Variants in CCSER1 observed in about 807,000 individuals in gnomAD.
CCSER1 encodes the protein serine-rich coiled-coil domain-containing protein 1.
Under a neutral mutation model 82.0 loss-of-function variants are expected in CCSER1, and 41 were observed. The ratio of observed to expected loss-of-function variants is 0.50; its 90% confidence interval spans 0.39 to 0.65. The LOEUF (loss-of-function observed/expected upper bound fraction) is 0.65, where lower values mean the gene tolerates loss of function less well. Ranked by LOEUF, CCSER1 falls within the 30% of genes least tolerant of loss-of-function variation. The probability of loss-of-function intolerance (pLI) is 0.00; values close to 1 mark genes in which losing one functional copy is unlikely to be tolerated. For missense variants in CCSER1, 1,119 were observed against 1,064.2 expected (o/e 1.05, Z -0.72); for synonymous variants, 414 against 383.9 (o/e 1.08, Z -0.92).
At position 91,366,319 on chromosome 4, in the gene CCSER1, A is replaced by C. The variant is rs113706125; in HGVS notation, c.2218-232253A>C. Among the ~76,000 whole-genome samples the C allele has an allele frequency of 7.0e-3, 1,070 of 152,106 alleles. 18 individuals carry two copies. Among genetic ancestry groups the C allele is most frequent in the African/African-American group, 0.024 (1,005 of 41,516 alleles). ...TACAGGCGTGAGCCACTGTGCCTGG[A>C]CCTCTCACCTATTCTTCCTGCTAGG... On this transcript the variant is annotated intron_variant, in intron 10 of 10. Coordinates refer to ENST00000509176, the MANE Select transcript of CCSER1 (RefSeq NM_001145065.2).
intron 10 of CCSER1, among the ~76,000 whole-genome samples, chr4:91,578,418 G>T (rs1763559271): frequency 6.6e-6 from 1 of 151,818 alleles, no homozygotes; most frequent in Non-Finnish European, 1.5e-5. Context: ...GTATCAGATT[G>T]CTGGGAAATG....
chr4:90,660,842 A>T (rs1730633103), intron 6 of CCSER1, among the ~76,000 whole-genome samples: 1 of 152,166 alleles, frequency 6.6e-6, no homozygotes, highest in Non-Finnish European at 1.5e-5. Flanking sequence ...TATTTGATGG[A>T]TTTCGCAATC....
intron 4 of CCSER1, among the ~76,000 whole-genome samples, chr4:90,450,617 T>G (rs1578526160): frequency 6.6e-6 from 1 of 152,324 alleles, no homozygotes; most frequent in East Asian, 1.9e-4. Context: ...CAGAGGAAAT[T>G]CCGTCAGTTC....
intron 10 of CCSER1, among the ~76,000 whole-genome samples, chr4:91,403,510 A>G (rs76235650): frequency 6.6e-6 from 1 of 152,190 alleles, no homozygotes; most frequent in Non-Finnish European, 1.5e-5. Context: ...TTGCCCACTC[A>G]GTATGATATT....
At chr4:90,999,169 T>C (rs1208807192) in intron 9 of CCSER1, among the ~76,000 whole-genome samples, 2 of 152,244 alleles carry the variant, frequency 1.3e-5, no homozygotes, top group East Asian at 3.8e-4. Flanking sequence ...TCTTTGCTAT[T>C]GTGAATAGTA....
At chr4:90,810,503 G>A (rs1758113905) in intron 7 of CCSER1, among the ~76,000 whole-genome samples, 1 of 151,938 alleles carries the variant, frequency 6.6e-6, no homozygotes, top group South Asian at 2.1e-4. Context: ...CAAAAAATTA[G>A]CCAGGTGTGG....
intron 10 of CCSER1, among the ~76,000 whole-genome samples, chr4:91,544,751 G>C (rs928086435): frequency 1.4e-4 from 21 of 151,226 alleles, no homozygotes; most frequent in African/African-American, 5.1e-4. Context: ...TAGGCTACTC[G>C]GGGGTCAGGG....
At chr4:90,768,774 C>T (rs979013486) in intron 7 of CCSER1, among the ~76,000 whole-genome samples, 2 of 152,124 alleles carry the variant, frequency 1.3e-5, no homozygotes, top group African/African-American at 2.4e-5. Context: ...AAAGACTGGA[C>T]GATTTGCCTA....
intron 1 of CCSER1, among the ~76,000 whole-genome samples, chr4:90,183,408 G>A (rs2153387473): frequency 6.6e-6 from 1 of 152,194 alleles, no homozygotes; most frequent in Non-Finnish European, 1.5e-5. Context: ...TTTTATAAAA[G>A]GAGAAGGGTG....
chr4:91,208,311 G>GTC (rs1255417531), intron 10 of CCSER1, among the ~76,000 whole-genome samples: 2 of 151,978 alleles, frequency 1.3e-5, no homozygotes, highest in East Asian at 1.9e-4. Flanking sequence ...CAGTTCCTAT[G>GTC]TCCAAAATGG....
At chr4:90,714,825 A>G (rs1741326679) in intron 6 of CCSER1, among the ~76,000 whole-genome samples, 1 of 152,022 alleles carries the variant, frequency 6.6e-6, no homozygotes, top group African/African-American at 2.4e-5. Flanking sequence ...TTTTAAAAAT[A>G]TTACTAATAA....
intron 9 of CCSER1, among the ~76,000 whole-genome samples, chr4:91,043,352 GAGAA>G (rs1269043991): frequency 6.6e-6 from 1 of 151,954 alleles, no homozygotes; most frequent in African/African-American, 2.4e-5. Flanking sequence ...AAGAACAAAA[GAGAA>G]AGAAGCAATT....
intron 4 of CCSER1, among the ~76,000 whole-genome samples, chr4:90,417,485 A>G (rs1755993313): frequency 6.6e-6 from 1 of 151,864 alleles, no homozygotes; most frequent in African/African-American, 2.4e-5. Context: ...TTAAAAATAT[A>G]TCTTACTTAT....
intron 5 of CCSER1, among the ~76,000 whole-genome samples, chr4:90,515,815 T>G (rs2153620860): frequency 6.6e-6 from 1 of 152,296 alleles, no homozygotes; most frequent in Non-Finnish European, 1.5e-5. Context: ...ATTCAAACCC[T>G]AGGGTCACAC....
intron 10 of CCSER1, among the ~76,000 whole-genome samples, chr4:91,552,858 C>G (rs1009834431): frequency 6.6e-6 from 1 of 151,334 alleles, no homozygotes; most frequent in Admixed American, 6.6e-5. Flanking sequence ...ATTTGGAGGT[C>G]TTTAATTTCT....
intron 10 of CCSER1, among the ~76,000 whole-genome samples, chr4:91,593,467 CTTTTTTT>C (rs753973015): frequency 7.3e-5 from 4 of 55,044 alleles, no homozygotes; most frequent in East Asian, 1.2e-3. Flanking sequence ...CAACCCCGTG[CTTTTTTT>C]TTTTTTTTTT....
intron 5 of CCSER1, among the ~76,000 whole-genome samples, chr4:90,500,636 CT>C (rs1769719784): frequency 6.6e-6 from 1 of 152,106 alleles, no homozygotes; most frequent in African/African-American, 2.4e-5. Context: ...CGGCCCACAT[CT>C]TTTGTTTAAA....
At chr4:90,910,190 C>T (rs1005722320) in intron 8 of CCSER1, among the ~76,000 whole-genome samples, 7 of 152,150 alleles carry the variant, frequency 4.6e-5, no homozygotes, top group African/African-American at 1.7e-4. Context: ...AAGGGAACAG[C>T]AAGGGGGAAA....
intron 10 of CCSER1, among the ~76,000 whole-genome samples, chr4:91,382,725 G>A (rs1284104404): frequency 6.6e-6 from 1 of 152,080 alleles, no homozygotes. Flanking sequence ...TGCACCCACT[G>A]TCTGACAAGC....
Sources: gnomAD v4.1 joint callset for allele counts (sites outside exome capture counted in the v4.1 genomes callset) on GRCh38, gnomAD v4.1.1 for gene constraint, MANE v1.5 for transcripts, NCBI Gene and HGNC (gene_info 2026-07-23, HGNC 2026-07-21) for gene names.